SPTBN1: variants seen among roughly 807,000 people sequenced by gnomAD.
The protein encoded by SPTBN1 is spectrin beta chain, non-erythrocytic 1.
Under a neutral mutation model 266.4 loss-of-function variants are expected in SPTBN1, and 32 were observed. The ratio of observed to expected loss-of-function variants is 0.12; its 90% CI spans 0.09 to 0.16. The LOEUF (loss-of-function observed/expected upper bound fraction) is 0.16. Among genes scored for constraint, SPTBN1 ranks in the 10% least tolerant of loss-of-function variants. SPTBN1 has a pLI of 1.00. For missense variants in SPTBN1, 2,296 were observed against 3,067.1 expected, an observed-to-expected ratio of 0.75 and a Z score of 5.94; for synonymous variants, 1,336 against 1,162.2, an observed-to-expected ratio of 1.15 and a Z score of -3.04.
intron 32 of SPTBN1, chr2:54,662,199 C>T (rs1681095498): frequency 1.0e-6 from 1 of 985,364 alleles, no homozygotes; most frequent in South Asian, 4.7e-5. Context: ...CACATGTACC[C>T]ATCATTTGAT....
intron 2 of SPTBN1, among the ~76,000 whole-genome samples, chr2:54,551,832 T>C (rs1672582586): frequency 1.3e-5 from 2 of 152,156 alleles, no homozygotes; most frequent in African/African-American, 4.8e-5. Context: ...TCCTCTCTTT[T>C]TTTTTCTTGT....
intron 2 of SPTBN1, among the ~76,000 whole-genome samples, chr2:54,566,828 C>T (rs1010924613): frequency 4.6e-5 from 7 of 150,954 alleles, no homozygotes; most frequent in African/African-American, 7.3e-5. Context: ...GAGACTCCAT[C>T]TCAAAAAAAA....
intron 2 of SPTBN1, among the ~76,000 whole-genome samples, chr2:54,564,428 C>A (rs1439536541): frequency 1.3e-5 from 2 of 152,186 alleles, no homozygotes; most frequent in Non-Finnish European, 2.9e-5. Context: ...GCTTTAGTCT[C>A]TTTTCATGGC....
intron 2 of SPTBN1, chr2:54,557,754 T>C: frequency 2.0e-6 from 2 of 985,434 alleles, no homozygotes; most frequent in Non-Finnish European, 2.4e-6. Flanking sequence ...GCCCGTGTTA[T>C]TCCAGGAAAC....
intron 3 of SPTBN1, among the ~76,000 whole-genome samples, chr2:54,610,516 C>T (rs1573524162): frequency 6.6e-6 from 1 of 152,340 alleles, no homozygotes; most frequent in East Asian, 1.9e-4. Flanking sequence ...CTGCCCGCCT[C>T]AGCCTCCCAA....
chr2:54,462,474 A>G (rs1444349319), intron 1 of SPTBN1, among the ~76,000 whole-genome samples: 1 of 152,208 alleles, frequency 6.6e-6, no homozygotes, highest in African/African-American at 2.4e-5. Context: ...TCTTTTGACC[A>G]TTAAGCATTT....
Position 54,554,455 on chromosome 2 carries a change from T to C in SPTBN1, c.148+27889T>C, listed in dbSNP as rs1433103680. Among the ~76,000 whole-genome samples the C allele has an allele frequency of 6.6e-6, 1 of 152,220 alleles. No individual in the cohort carries two copies. The highest frequency in any genetic ancestry group is 2.4e-5 in the African/African-American group (1 of 41,464). ...CTACCAAGTGTGATGGTTCTGGTTA[T>C]TACGGCCATTCAGTTTAAGTGGAGA... On this transcript the variant is annotated intron_variant, in intron 2 of 35. Coordinates refer to ENST00000356805, the MANE Select transcript of SPTBN1 (RefSeq NM_003128.3). The surrounding 1 kb of genome is among the most constrained non-coding windows in gnomAD (Gnocchi z 4.5).
At chr2:54,651,987 C>T (rs1680323714) in intron 26 of SPTBN1, among the ~76,000 whole-genome samples, 1 of 152,132 alleles carries the variant, frequency 6.6e-6, no homozygotes, top group South Asian at 2.1e-4. Context: ...TCCCCACAAG[C>T]CCTACTGCTG....
At chr2:54,477,503 T>G (rs1273129242) in intron 1 of SPTBN1, among the ~76,000 whole-genome samples, 1 of 152,152 alleles carries the variant, frequency 6.6e-6, no homozygotes. Flanking sequence ...GCTTTTTTCC[T>G]TTGTGAGTAA....
Position 54,559,836 on chromosome 2 carries a change from C to G in SPTBN1, c.148+33270C>G, listed in dbSNP as rs185254558. ...TCTTATTTTAACCTCCTCAGTGCTG[C>G]AAATGTGGTTCCTGTGAGGAGGAGG... On this transcript the variant is annotated intron_variant, in intron 2 of 35. Transcript: ENST00000356805. 7.7e-4 allele frequency among the ~76,000 whole-genome samples: 117 copies of G among 152,252 alleles called. 1 individual carries two copies. Among genetic ancestry groups the G allele is most frequent in the African/African-American group, 2.8e-3 (116 of 41,538 alleles).
At chr2:54,545,112 T>A (rs1165753901) in intron 2 of SPTBN1, among the ~76,000 whole-genome samples, 1 of 152,220 alleles carries the variant, frequency 6.6e-6, no homozygotes, top group East Asian at 1.9e-4. Flanking sequence ...GAACTCATCC[T>A]TTTTTATGGC....
chr2:54,492,662 A>C (rs1668753637), intron 1 of SPTBN1, among the ~76,000 whole-genome samples: 1 of 152,188 alleles, frequency 6.6e-6, no homozygotes, highest in South Asian at 2.1e-4. Flanking sequence ...TGTAAGTTAC[A>C]GCAGTCTTCA....
At chr2:54,480,003 C>A (rs903740549) in intron 1 of SPTBN1, among the ~76,000 whole-genome samples, 2 of 152,066 alleles carry the variant, frequency 1.3e-5, no homozygotes, top group Admixed American at 1.3e-4. Context: ...TGGCTTATTC[C>A]ATTTATGGCA....
At chr2:54,464,493 T>G (rs1693525979) in intron 1 of SPTBN1, among the ~76,000 whole-genome samples, 1 of 152,216 alleles carries the variant, frequency 6.6e-6, no homozygotes, top group African/African-American at 2.4e-5. Flanking sequence ...CATTAAAATG[T>G]TAATGGTTTG....
Position 54,664,488 on chromosome 2 carries a change from C to G in SPTBN1, c.6456C>G (p.Asn2152Lys). The change falls in exon 33 of 36, where the codon AAC becomes AAG. Residue 2152 changes from asparagine to lysine, a missense_variant. Asn to Lys is a moderately conservative substitution (Grantham distance 94, BLOSUM62 0). Transcript: ENST00000356805. This position sits in a 1 kb window ranked among gnomAD's most constrained non-coding sequence, Gnocchi z 5.6. ...AETVDTSEMVNGATEQRTSSK... is the reference protein window; with the variant it reads ...AETVDTSEMVKGATEQRTSSK... ...CGGTGGACACAAGCGAAATGGTCAA[C>G]GGCGCTACAGAACAAAGGACGAGCT... The G allele has an allele frequency of 6.2e-7, 1 of 1,613,856 alleles. No individual in the cohort carries two copies. The highest frequency in any genetic ancestry group is 8.5e-7 in the Non-Finnish European group (1 of 1,179,792).
At position 54,665,996 on chromosome 2, in the gene SPTBN1, T is replaced by C. The variant is rs1681343011; in HGVS notation, c.6741T>C (p.Ile2247=). 6.2e-7 allele frequency: 1 copy of C among 1,613,982 alleles called. No individual in the cohort carries two copies. The highest frequency in any genetic ancestry group is 1.3e-5 in the African/African-American group (1 of 74,874). The change falls in exon 34 of 36, where the codon ATT becomes ATC. Residue 2247 remains isoleucine, a synonymous_variant. Coordinates refer to ENST00000356805, the MANE Select transcript of SPTBN1 (RefSeq NM_003128.3). ...YKDAKTAASG[I]PYHSEVPVSL... ...ATGCAAAGACTGCTGCTTCTGGAAT[T>C]CCCTACCACAGCGAGGTCCCTGTGA...
chr2:54,661,716 T>G, intron 32 of SPTBN1: 1 of 985,752 alleles, frequency 1.0e-6, no homozygotes, highest in Non-Finnish European at 1.2e-6. Flanking sequence ...TTGATCTATA[T>G]GTATATATGT....
chr2:54,589,942 C>T (rs945908649), intron 2 of SPTBN1, among the ~76,000 whole-genome samples: 2 of 152,134 alleles, frequency 1.3e-5, no homozygotes, highest in African/African-American at 2.4e-5. Flanking sequence ...AAGAATTAAA[C>T]TTTAATATAT....
chr2:54,462,363 A>C (rs1457760410), intron 1 of SPTBN1, among the ~76,000 whole-genome samples: 2 of 152,230 alleles, frequency 1.3e-5, no homozygotes, highest in Admixed American at 6.5e-5. Flanking sequence ...TGGCATTTAT[A>C]TATTGATTAA....
Sources: gnomAD v4.1 joint callset for allele counts (sites outside exome capture counted in the v4.1 genomes callset) on GRCh38, gnomAD v4.1.1 for gene constraint, Gnocchi (gnomAD v3.1) non-coding constraint, MANE v1.5 for transcripts, NCBI Gene and HGNC (gene_info 2026-07-23, HGNC 2026-07-21) for gene names.